The following PRKN variants were observed in gnomAD, a reference collection of about 807,000 sequenced individuals.
PRKN encodes the protein parkin RBR E3 ubiquitin protein ligase.
PRKN carries 56 observed loss-of-function variants against 59.5 expected under a neutral mutation model. That is an observed-to-expected ratio of 0.94 (90% confidence interval 0.76 to 1.18). The LOEUF (loss-of-function observed/expected upper bound fraction) is 1.18. PRKN is among the 50% of genes most tolerant of loss of function. The pLI is 0.00. For synonymous variants in PRKN, 250 were observed against 222.1 expected (o/e 1.13, Z -1.12); for missense variants, 657 against 596.4 (o/e 1.10, Z -1.06).
At chr6:161,822,396 C>T (rs559483312) in intron 6 of PRKN, among the ~76,000 whole-genome samples, 1 of 152,338 alleles carries the variant, frequency 6.6e-6, no homozygotes, top group Non-Finnish European at 1.5e-5. Context: ...ACACATATGG[C>T]TGGGCACGGT....
chr6:162,637,588 T>G (rs1461914712), intron 1 of PRKN, among the ~76,000 whole-genome samples: 4 of 152,138 alleles, frequency 2.6e-5, no homozygotes, highest in African/African-American at 9.7e-5. Context: ...CACACAGAAT[T>G]TCTAGCTTGA....
intron 1 of PRKN, among the ~76,000 whole-genome samples, chr6:162,557,790 G>A (rs746972892): frequency 5.3e-5 from 8 of 152,248 alleles, no homozygotes; most frequent in Admixed American, 2.6e-4. Context: ...GATTACAGGC[G>A]TGAGCCACTA....
Position 161,458,699 on chromosome 6 carries a change from AT to A in PRKN, c.1084-71823del, listed in dbSNP as rs1790079353. Among the ~76,000 whole-genome samples, 1 of 152,190 alleles carries A rather than the reference AT, an allele frequency of 6.6e-6. No homozygotes were observed. Among genetic ancestry groups the A allele is most frequent in the South Asian group, 2.1e-4 (1 of 4,824 alleles). ...TCTTCTACAGAGCAATGGGCACTAA[AT>A]TTATTAGCTTCGTGCTCACCATGAC... is the stretch of plus-strand genomic sequence containing the variant. On this transcript the variant is annotated intron_variant, in intron 9 of 11. Transcript: ENST00000366898. This position sits in a 1 kb window ranked among gnomAD's most constrained non-coding sequence, Gnocchi z 6.1.
rs562959514 is a variant in PRKN at position 161,766,368 on chromosome 6, C to T, written c.871+19404G>A. 1.4e-3 allele frequency among the ~76,000 whole-genome samples: 209 copies of T among 145,738 alleles called. 1 individual carries two copies. Among genetic ancestry groups the T allele is most frequent in the African/African-American group, 5.1e-3 (199 of 39,320 alleles). On this transcript the variant is annotated intron_variant, in intron 7 of 11. Coordinates refer to ENST00000366898, the MANE Select transcript of PRKN (RefSeq NM_004562.3). The stretch of plus-strand genomic sequence containing the variant: ...CTGTCACCAGGCTGGAGTGCAGTGG[C>T]TCAATCTTGGCTCACTGCAACCTCC...
chr6:161,384,112 C>T (rs1786123800), intron 10 of PRKN, among the ~76,000 whole-genome samples: 1 of 152,158 alleles, frequency 6.6e-6, no homozygotes, highest in African/African-American at 2.4e-5. Context: ...GAATTCCTAT[C>T]ATGTCAGTTG....
intron 9 of PRKN, among the ~76,000 whole-genome samples, chr6:161,506,876 G>A (rs1464384470): frequency 6.6e-6 from 1 of 152,198 alleles, no homozygotes; most frequent in African/African-American, 2.4e-5. Flanking sequence ...ACCACCTTCT[G>A]TGAGACATTA....
chr6:162,258,824 T>C (rs575271346), intron 3 of PRKN, among the ~76,000 whole-genome samples: 1 of 152,230 alleles, frequency 6.6e-6, no homozygotes, highest in Non-Finnish European at 1.5e-5. Context: ...AAGTCTTTAG[T>C]GTGACATGCT....
At chr6:162,357,363 C>T (rs1784918660) in intron 2 of PRKN, among the ~76,000 whole-genome samples, 1 of 152,238 alleles carries the variant, frequency 6.6e-6, no homozygotes, top group African/African-American at 2.4e-5. Context: ...TAAATAAATA[C>T]AGCTGGCAAG....
intron 9 of PRKN, among the ~76,000 whole-genome samples, chr6:161,515,155 G>A (rs1228351123): frequency 6.6e-6 from 1 of 152,114 alleles, no homozygotes; most frequent in Non-Finnish European, 1.5e-5. Flanking sequence ...TGCTTTTATT[G>A]TTACACCTTC....
chr6:162,158,592 TG>T (rs1782627621), intron 4 of PRKN, among the ~76,000 whole-genome samples: 1 of 151,950 alleles, frequency 6.6e-6, no homozygotes, highest in African/African-American at 2.4e-5. Flanking sequence ...CCAGCACGCC[TG>T]GCTAATTTTT....
intron 4 of PRKN, 91 bp downstream of exon 4, chr6:162,201,040 C>A: frequency 7.4e-7 from 1 of 1,358,200 alleles, no homozygotes; most frequent in Non-Finnish European, 1.1e-6. Flanking sequence ...TTTTCAAAGA[C>A]GGGTGATACA....
chr6:161,492,728 A>T (rs1234285820), intron 9 of PRKN, among the ~76,000 whole-genome samples: 7 of 152,198 alleles, frequency 4.6e-5, no homozygotes, highest in Admixed American at 4.6e-4. Flanking sequence ...GGAAAGTGAA[A>T]CTGTGACAGA....
At position 161,487,132 on chromosome 6, in the gene PRKN, A is replaced by G. The variant is rs1287907939; in HGVS notation, c.1083+61722T>C. 6.6e-6 allele frequency among the ~76,000 whole-genome samples: 1 copy of G among 152,204 alleles called. No homozygotes were observed. Among genetic ancestry groups the G allele is most frequent in the East Asian group, 1.9e-4 (1 of 5,194 alleles). Reference sequence around the variant, plus strand: ...TAAGAATGACTAATGCTTATGAACCATTGCCTGATAAACACTGTGCCCAGG... The same window carrying G: ...TAAGAATGACTAATGCTTATGAACCGTTGCCTGATAAACACTGTGCCCAGG... On this transcript the variant is annotated intron_variant, in intron 9 of 11. Transcript: ENST00000366898. The surrounding 1 kb of genome is among the most constrained non-coding windows in gnomAD (Gnocchi z 5.3).
Position 162,323,227 on chromosome 6 carries a change from TA to T in PRKN, c.172-60463del, listed in dbSNP as rs563333741. On this transcript the variant is annotated intron_variant, in intron 2 of 11. Transcript: ENST00000366898. ...ATGTACCCTAAAACTTAAAGTATAA[TA>T]AAAAAAAAATGAACTTGAAATGGAT... Among the ~76,000 whole-genome samples, 834 of 145,642 alleles carry T rather than the reference TA, an allele frequency of 5.7e-3. 7 individuals are homozygous for T. The highest frequency in any genetic ancestry group is 0.016 in the African/African-American group (630 of 39,698).
chr6:161,861,546 A>G (rs1020356992), intron 6 of PRKN, among the ~76,000 whole-genome samples: 3 of 151,988 alleles, frequency 2.0e-5, no homozygotes, highest in Non-Finnish European at 4.4e-5. Flanking sequence ...TACCTATGTA[A>G]CAAACCTGCA....
chr6:162,368,790 A>T (rs1785592516), intron 2 of PRKN, among the ~76,000 whole-genome samples: 2 of 152,302 alleles, frequency 1.3e-5, no homozygotes, highest in Middle Eastern at 6.8e-3. Context: ...TCTCTAATTG[A>T]TATAGCATAA....
rs1419687926 is a variant in PRKN at position 161,374,679 on chromosome 6, GGTGT to G, written c.1167+12111_1167+12114del. ...TGTGTGATGTGTGTTATATATGTGT[GGTGT>G]GTATGTGTGATGTGTGCGTTATGTT... On this transcript the variant is annotated intron_variant, in intron 10 of 11. Transcript: ENST00000366898. 1.2e-4 allele frequency among the ~76,000 whole-genome samples: 18 copies of G among 152,150 alleles called. No homozygotes were observed. The East Asian group carries it at 2.3e-3, about 20-fold the overall frequency.
chr6:162,172,731 A>T (rs1467336237), intron 4 of PRKN, among the ~76,000 whole-genome samples: 2 of 152,188 alleles, frequency 1.3e-5, no homozygotes, highest in East Asian at 3.8e-4. Context: ...TACAAAAGTG[A>T]CAGGTTCCTA....
chr6:161,649,349 T>C (rs919612170), intron 7 of PRKN, among the ~76,000 whole-genome samples: 6 of 152,226 alleles, frequency 3.9e-5, no homozygotes, highest in African/African-American at 1.2e-4. Context: ...ATTATTGTCA[T>C]GATGCAACAG....
Sources: allele counts gnomAD v4.1 joint callset (sites outside exome capture counted in the v4.1 genomes callset), GRCh38; gene constraint gnomAD v4.1.1; non-coding constraint Gnocchi (gnomAD v3.1); transcripts MANE v1.5; gene names NCBI Gene and HGNC (gene_info 2026-07-23, HGNC 2026-07-21).